The following GNAQ variants were observed in gnomAD, a reference collection of about 807,000 sequenced individuals.
GNAQ encodes G protein subunit alpha q.
In GNAQ, 8 loss-of-function variants were observed where a neutral mutation model predicts 43.9. That is an observed-to-expected ratio of 0.18 (90% CI 0.11 to 0.33). GNAQ has a LOEUF of 0.33. Ranked by LOEUF, GNAQ falls within the 10% of genes least tolerant of loss-of-function variation. The pLI is 1.00. For missense variants in GNAQ, 158 were observed against 450.8 expected, an observed-to-expected ratio of 0.35 and a Z score of 5.88; for synonymous variants, 155 against 170.7, an observed-to-expected ratio of 0.91 and a Z score of 0.71.
intron 3 of GNAQ, 50 bp downstream of exon 3, chr9:77,815,566 A>T: frequency 8.3e-7 from 1 of 1,197,896 alleles, no homozygotes; most frequent in South Asian, 1.3e-5. Context: ...TAAAACCTCC[A>T]CATGGAAGTA....
At chr9:77,874,062 A>C (rs1045822882) in intron 2 of GNAQ, among the ~76,000 whole-genome samples, 2 of 150,418 alleles carry the variant, frequency 1.3e-5, no homozygotes, top group African/African-American at 4.9e-5. Flanking sequence ...CTGAGATCGC[A>C]CCATTGCACT....
intron 1 of GNAQ, among the ~76,000 whole-genome samples, chr9:77,940,861 G>A (rs1301820422): frequency 6.6e-6 from 1 of 151,792 alleles, no homozygotes; most frequent in African/African-American, 2.4e-5. Flanking sequence ...CAGCTACTTG[G>A]GAGACTGAGG....
chr9:77,778,123 AT>A (rs1399672655), intron 5 of GNAQ, among the ~76,000 whole-genome samples: 1 of 151,930 alleles, frequency 6.6e-6, no homozygotes, highest in Non-Finnish European at 1.5e-5. Flanking sequence ...AAAAACTTTT[AT>A]TTTTCTTACT....
At chr9:77,888,527 A>G (rs1490659109) in intron 2 of GNAQ, among the ~76,000 whole-genome samples, 1 of 152,188 alleles carries the variant, frequency 6.6e-6, no homozygotes, top group Non-Finnish European at 1.5e-5. Flanking sequence ...AATATTTAAA[A>G]TGTCTACTCA....
intron 2 of GNAQ, among the ~76,000 whole-genome samples, chr9:77,839,472 A>C (rs1827447385): frequency 6.6e-6 from 1 of 152,256 alleles, no homozygotes. Flanking sequence ...AAGAAATTTT[A>C]AACTTCCAAA....
chr9:77,744,898 TAAC>T (rs1431013003), intron 5 of GNAQ, among the ~76,000 whole-genome samples: 2 of 151,770 alleles, frequency 1.3e-5, no homozygotes, highest in Non-Finnish European at 2.9e-5. Flanking sequence ...GAAACAACAA[TAAC>T]AACAACAAAA....
chr9:77,791,443 T>C (rs1826571238), intron 5 of GNAQ, among the ~76,000 whole-genome samples: 1 of 152,174 alleles, frequency 6.6e-6, no homozygotes, highest in Admixed American at 6.5e-5. Context: ...GCTGGTGTGT[T>C]ATCACAGGGA....
chr9:77,948,294 GAT>G (rs1822930051), intron 1 of GNAQ, among the ~76,000 whole-genome samples: 1 of 152,210 alleles, frequency 6.6e-6, no homozygotes, highest in South Asian at 2.1e-4. Context: ...ATTTTAAACT[GAT>G]GAAGAATTGC....
chr9:77,737,840 T>C (rs942492843), intron 5 of GNAQ, among the ~76,000 whole-genome samples: 1 of 152,194 alleles, frequency 6.6e-6, no homozygotes, highest in African/African-American at 2.4e-5. Context: ...TCTGTTCCCA[T>C]TGCATCCTAG....
At chr9:77,825,385 C>T (rs1217982505) in intron 2 of GNAQ, among the ~76,000 whole-genome samples, 4 of 152,202 alleles carry the variant, frequency 2.6e-5, no homozygotes, top group African/African-American at 9.6e-5. Context: ...CAACTGCCCA[C>T]TGACCCTACT....
rs78042827 is a variant in GNAQ at position 77,999,212 on chromosome 9, T to C, written c.136+31888A>G. 5.6e-4 allele frequency among the ~76,000 whole-genome samples: 84 copies of C among 151,178 alleles called. 1 individual carries two copies. In the East Asian group the frequency reaches 0.015, roughly 27 times the overall value. On this transcript the variant is annotated intron_variant, in intron 1 of 6. Transcript: ENST00000286548. Reference sequence around the variant, plus strand: ...TTTAGAATTATCCTCTCTTCTAAAATGCAAACAGAATCAGCATGCAAAATA... The same window carrying C: ...TTTAGAATTATCCTCTCTTCTAAAACGCAAACAGAATCAGCATGCAAAATA...
intron 2 of GNAQ, among the ~76,000 whole-genome samples, chr9:77,908,338 G>A (rs1412923111): frequency 6.6e-6 from 1 of 152,144 alleles, no homozygotes; most frequent in African/African-American, 2.4e-5. Flanking sequence ...CCAGAGGCCA[G>A]CCACTGCTCC....
intron 1 of GNAQ, among the ~76,000 whole-genome samples, chr9:78,007,936 G>A (rs1178930517): frequency 6.6e-6 from 1 of 152,172 alleles, no homozygotes; most frequent in African/African-American, 2.4e-5. Context: ...TTTAAACACT[G>A]GTGTGAAGGC....
chr9:77,823,062 C>T (rs1233253234), intron 2 of GNAQ, among the ~76,000 whole-genome samples: 1 of 152,016 alleles, frequency 6.6e-6, no homozygotes, highest in African/African-American at 2.4e-5. Flanking sequence ...GCCTCAGCCT[C>T]CTGAGTAGCT....
intron 2 of GNAQ, among the ~76,000 whole-genome samples, chr9:77,857,300 C>A (rs1434867627): frequency 6.6e-6 from 1 of 152,190 alleles, no homozygotes; most frequent in Non-Finnish European, 1.5e-5. Flanking sequence ...ATCTAGAACT[C>A]GACCTACATC....
intron 5 of GNAQ, among the ~76,000 whole-genome samples, chr9:77,751,917 C>A (rs1223102053): frequency 1.3e-5 from 2 of 152,168 alleles, no homozygotes; most frequent in East Asian, 1.9e-4. Flanking sequence ...AAGGGAAATG[C>A]GAAACTGAAT....
chr9:77,723,221 C>G (rs1326358758), intron 6 of GNAQ, among the ~76,000 whole-genome samples: 1 of 152,182 alleles, frequency 6.6e-6, no homozygotes, highest in Non-Finnish European at 1.5e-5. Flanking sequence ...TCCACATCTA[C>G]TAGCATGGCT....
At chr9:77,910,540 T>TCA (rs1828783081) in intron 2 of GNAQ, among the ~76,000 whole-genome samples, 1 of 152,150 alleles carries the variant, frequency 6.6e-6, no homozygotes, top group Non-Finnish European at 1.5e-5. Flanking sequence ...TCTGCGCAGG[T>TCA]TTGTCTAAGC....
intron 2 of GNAQ, among the ~76,000 whole-genome samples, chr9:77,901,525 T>C (rs1828617018): frequency 6.6e-6 from 1 of 152,172 alleles, no homozygotes; most frequent in Non-Finnish European, 1.5e-5. Context: ...CCGTCCTGCC[T>C]CTTCCTCCTT....
Sources: allele counts gnomAD v4.1 joint callset (sites outside exome capture counted in the v4.1 genomes callset), GRCh38; gene constraint gnomAD v4.1.1; transcripts MANE v1.5; gene names NCBI Gene and HGNC (gene_info 2026-07-23, HGNC 2026-07-21).